RAP1GDS1: variants seen among roughly 807,000 people sequenced by gnomAD.
RAP1GDS1 encodes the protein RAP1, GTP-GDP dissociation stimulator 1.
RAP1GDS1 carries 35 observed loss-of-function variants against 71.1 expected under a neutral mutation model. That is an observed-to-expected ratio of 0.49 (90% CI 0.38 to 0.65). RAP1GDS1 has a LOEUF of 0.65. RAP1GDS1 is among the 30% of genes least tolerant of loss of function. RAP1GDS1 has a pLI of 0.00. For missense variants in RAP1GDS1, 663 were observed against 706.1 expected, an observed-to-expected ratio of 0.94 and a Z score of 0.69; for synonymous variants, 229 against 243.1, an observed-to-expected ratio of 0.94 and a Z score of 0.54.
chr4:98,304,167 G>A lies in RAP1GDS1; in HGVS notation c.112+10652G>A, dbSNP rs187595295. 5.0e-3 allele frequency among the ~76,000 whole-genome samples: 755 copies of A among 152,298 alleles called. 7 individuals carry two copies. The highest frequency in any genetic ancestry group is 0.018 in the South Asian group (86 of 4,822). On this transcript the variant is annotated intron_variant, in intron 2 of 14. Coordinates refer to ENST00000408927, the MANE Select transcript of RAP1GDS1 (RefSeq NM_001100427.2). The stretch of plus-strand genomic sequence containing the variant: ...TGCTGCAGTGAATGTACACGTGCAT[G>A]TATCTTTATAATAGAATGACTTATA...
At chr4:98,440,664 T>C (rs1218626903) in intron 14 of RAP1GDS1, among the ~76,000 whole-genome samples, 1 of 152,202 alleles carries the variant, frequency 6.6e-6, no homozygotes, top group Non-Finnish European at 1.5e-5. Flanking sequence ...TCTATTCAAG[T>C]CTTTGCCCAT....
At chr4:98,441,712 A>G (rs1490736417) in intron 14 of RAP1GDS1, 2 of 744,990 alleles carry the variant, frequency 2.7e-6, no homozygotes, top group African/African-American at 3.8e-5. Context: ...GGCTGCAGTA[A>G]GCTGTGACCA....
intron 7 of RAP1GDS1, among the ~76,000 whole-genome samples, chr4:98,415,335 A>G (rs1005688396): frequency 1.3e-5 from 2 of 152,240 alleles, no homozygotes; most frequent in East Asian, 1.9e-4. Flanking sequence ...CACATGTTCT[A>G]CAATCAGTTT....
intron 12 of RAP1GDS1, among the ~76,000 whole-genome samples, chr4:98,431,423 T>C (rs762270247): frequency 1.1e-4 from 16 of 152,214 alleles, no homozygotes; most frequent in African/African-American, 3.6e-4. Flanking sequence ...CAAGGGCAAA[T>C]TGACTAAATG....
At chr4:98,296,584 T>C (rs753141784) in intron 2 of RAP1GDS1, among the ~76,000 whole-genome samples, 5 of 152,154 alleles carry the variant, frequency 3.3e-5, no homozygotes, top group African/African-American at 1.2e-4. Flanking sequence ...GATCTCAGTT[T>C]TAAAATGTTT....
At chr4:98,384,788 A>G (rs1420879832) in intron 5 of RAP1GDS1, among the ~76,000 whole-genome samples, 2 of 151,684 alleles carry the variant, frequency 1.3e-5, no homozygotes, top group Admixed American at 6.6e-5. Flanking sequence ...AAATTATTAT[A>G]GTCTTTTTGT....
chr4:98,371,488 A>T (rs1347727212), intron 4 of RAP1GDS1, among the ~76,000 whole-genome samples: 1 of 149,122 alleles, frequency 6.7e-6, no homozygotes, highest in Non-Finnish European at 1.5e-5. Flanking sequence ...TTTATGTTTT[A>T]TTTTTTTAGA....
chr4:98,275,974 G>A (rs1351235381), intron 1 of RAP1GDS1, among the ~76,000 whole-genome samples: 1 of 152,100 alleles, frequency 6.6e-6, no homozygotes, highest in African/African-American at 2.4e-5. Context: ...TGCTGCTAGA[G>A]TACTGTCTGA....
intron 12 of RAP1GDS1, among the ~76,000 whole-genome samples, chr4:98,430,755 G>A (rs1042529347): frequency 6.6e-6 from 1 of 152,206 alleles, no homozygotes; most frequent in African/African-American, 2.4e-5. Context: ...AGGTTCAAAT[G>A]TATTACATTC....
At chr4:98,315,317 C>T (rs1730776839) in intron 2 of RAP1GDS1, among the ~76,000 whole-genome samples, 1 of 152,020 alleles carries the variant, frequency 6.6e-6, no homozygotes, top group Admixed American at 6.6e-5. Flanking sequence ...TTTATATTCC[C>T]AAGATAGTAG....
At chr4:98,430,112 C>T (rs1348713591) in intron 12 of RAP1GDS1, among the ~76,000 whole-genome samples, 10 of 151,958 alleles carry the variant, frequency 6.6e-5, no homozygotes, top group Admixed American at 4.6e-4. Context: ...CGCCCATCCC[C>T]GAAAAGAAGA....
intron 1 of RAP1GDS1, among the ~76,000 whole-genome samples, chr4:98,272,834 A>G (rs1203053481): frequency 6.6e-6 from 1 of 152,116 alleles, no homozygotes; most frequent in Admixed American, 6.6e-5. Flanking sequence ...GCACGTCACA[A>G]TCTGATCGAG....
intron 1 of RAP1GDS1, among the ~76,000 whole-genome samples, chr4:98,262,881 G>C (rs934248894): frequency 2.6e-5 from 4 of 152,220 alleles, no homozygotes; most frequent in African/African-American, 4.8e-5. Context: ...GAAGAGGCCA[G>C]GGTTGACGGA....
intron 5 of RAP1GDS1, among the ~76,000 whole-genome samples, chr4:98,386,021 T>C (rs1372098339): frequency 6.6e-6 from 1 of 151,640 alleles, no homozygotes; most frequent in East Asian, 1.9e-4. Context: ...TCTTAATAAA[T>C]GCTGCTTAAG....
intron 13 of RAP1GDS1, among the ~76,000 whole-genome samples, chr4:98,434,514 A>G (rs1195438410): frequency 4.0e-5 from 6 of 151,550 alleles, no homozygotes; most frequent in Non-Finnish European, 1.5e-5. Context: ...CCTTACTCTA[A>G]TGTCTTGTCT....
chr4:98,310,390 C>A (rs1730026991), intron 2 of RAP1GDS1, among the ~76,000 whole-genome samples: 1 of 152,094 alleles, frequency 6.6e-6, no homozygotes, highest in African/African-American at 2.4e-5. Flanking sequence ...GAGGTATGTT[C>A]AGTACCTAGT....
At chr4:98,265,712 T>C (rs1348178953) in intron 1 of RAP1GDS1, among the ~76,000 whole-genome samples, 1 of 152,098 alleles carries the variant, frequency 6.6e-6, no homozygotes, top group Admixed American at 6.5e-5. Flanking sequence ...GAAAAAGGAA[T>C]GGTATGATTT....
chr4:98,426,604 A>G (rs1240168601), intron 12 of RAP1GDS1, among the ~76,000 whole-genome samples: 2 of 152,168 alleles, frequency 1.3e-5, no homozygotes, highest in Admixed American at 6.5e-5. Context: ...TGCAAAAACT[A>G]GAAAACCTAG....
intron 4 of RAP1GDS1, among the ~76,000 whole-genome samples, chr4:98,375,274 A>ATC (rs1473232930): frequency 6.6e-6 from 1 of 152,222 alleles, no homozygotes; most frequent in African/African-American, 2.4e-5. Context: ...TCCTCTGTGC[A>ATC]TCCCCCTCCT....
Sources: allele counts gnomAD v4.1 joint callset (sites outside exome capture counted in the v4.1 genomes callset), GRCh38; gene constraint gnomAD v4.1.1; transcripts MANE v1.5; gene names NCBI Gene and HGNC (gene_info 2026-07-23, HGNC 2026-07-21).